Variants in H2AC4 observed in about 807,000 individuals in gnomAD.
The protein encoded by H2AC4 is histone H2A type 1-B/E.
Under a neutral mutation model 6.1 loss-of-function variants are expected in H2AC4, and 8 were observed. The ratio of observed to expected loss-of-function variants is 1.31; its 90% CI spans 0.77 to 2.36. The LOEUF is 2.36. Ranked by LOEUF, H2AC4 falls within the 30% of genes most tolerant of loss-of-function variation. H2AC4 has a pLI of 0.00. For missense variants in H2AC4, 260 were observed against 180.4 expected (o/e 1.44, Z -2.53); for synonymous variants, 129 against 78.4 (o/e 1.64, Z -3.41).
rs1186823497 is a variant in H2AC4, at chr6:26,033,312, AATTGCAGGTGGCGCGGGATG to A, written c.237_256del (p.Ile80GlyfsTer5). 3.1e-6 allele frequency: 5 copies of A among 1,614,114 alleles called. No individual in the cohort carries two copies. In the East Asian group the frequency reaches 1.1e-4, roughly 36 times the overall value. ...AAGCTCCTCGTCATTGCGGATGGCC[AATTGCAGGTGGCGCGGGATG>A]ATGCGGGTCTTCTTGTTGTCGCGGG... On this transcript the variant is annotated frameshift_variant, in exon 1 of 1. Coordinates refer to ENST00000615868, the MANE Select transcript of H2AC4 (RefSeq NM_003513.3). LOFTEE classifies it high-confidence loss of function.
At position 26,033,286 on chromosome 6, in the gene H2AC4, T is replaced by C; in HGVS notation, c.283A>G (p.Asn95Asp). The C allele has an allele frequency of 6.2e-7, 1 of 1,614,170 alleles. No homozygotes were observed. Among genetic ancestry groups the C allele is most frequent in the Non-Finnish European group, 8.5e-7 (1 of 1,180,034 alleles). The stretch of plus-strand genomic sequence containing the variant: ...ATGGTCACACGCCCCAAGAGTTTAT[T>C]AAGCTCCTCGTCATTGCGGATGGCC... ...QLAIRNDEEL[N>D]KLLGRVTIAQ... is the part of the protein sequence containing the mutation. The change falls in exon 1 of 1, where the codon AAT becomes GAT. Residue 95 changes from asparagine to aspartate, a missense_variant. By Grantham distance (23) the Asn-to-Asp change is conservative. Transcript: ENST00000615868.
At position 26,033,549 on chromosome 6, in the gene H2AC4, T is replaced by A. The variant is rs780136249; in HGVS notation, c.20A>T (p.Gln7Leu). Residue 7 changes from glutamine to leucine, a missense_variant, in exon 1 of 1, where the codon CAA becomes CTA. By Grantham distance (113) the Gln-to-Leu change is moderately radical. Coordinates refer to ENST00000615868, the MANE Select transcript of H2AC4 (RefSeq NM_003513.3). MSGRGK[Q>L]GGKARAKAKT... ...AGCCTTGGCGCGAGCTTTACCGCCT[T>A]GTTTGCCGCGACCAGACATAACTAC... is the stretch of plus-strand genomic sequence containing the variant. 1 of 1,609,092 alleles carries A rather than the reference T, an allele frequency of 6.2e-7. No individual in the cohort carries two copies. The highest frequency in any genetic ancestry group is 1.1e-5 in the South Asian group (1 of 90,852).
chr6:26,033,616 T>C lies in H2AC4; in HGVS notation c.-48A>G, dbSNP rs371003021. On this transcript the variant is annotated 5_prime_UTR_variant, in exon 1 of 1. Transcript: ENST00000615868. ...TCGCCACAAGAAAATGTAATGAAAC[T>C]ACATTAGAACGCAAGGCAGAGAAGT... The C allele has an allele frequency of 1.1e-5, 17 of 1,596,204 alleles. No homozygotes were observed. The highest frequency in any genetic ancestry group is 2.2e-5 in the East Asian group (1 of 44,806).
In H2AC4 at chr6:26,033,529, T is replaced by A; in HGVS notation, c.40A>T (p.Lys14Ter). ...RGKQGGKARA[K>*]AKTRSSRAGL... Reference sequence around the variant, plus strand: ...GCACGAGAAGACCGAGTCTTAGCCTTGGCGCGAGCTTTACCGCCTTGTTTG... The same window carrying A: ...GCACGAGAAGACCGAGTCTTAGCCTAGGCGCGAGCTTTACCGCCTTGTTTG... The change falls in exon 1 of 1, where the codon AAG becomes TAG. Residue 14 changes from lysine (K) to a stop codon, truncating the protein, a stop_gained. Coordinates refer to ENST00000615868, the MANE Select transcript of H2AC4 (RefSeq NM_003513.3). LOFTEE classifies it high-confidence loss of function. 2 of 1,613,918 alleles carry A rather than the reference T, an allele frequency of 1.2e-6. No individual in the cohort carries two copies. Among genetic ancestry groups the A allele is most frequent in the Admixed American group, 1.7e-5 (1 of 59,948 alleles).
Position 26,033,618 on chromosome 6 carries a change from C to T in H2AC4, c.-50G>A, listed in dbSNP as rs557007253. 8 of 1,592,908 alleles carry T rather than the reference C, an allele frequency of 5.0e-6. No homozygotes were observed. Among genetic ancestry groups the T allele is most frequent in the Admixed American group, 1.8e-5 (1 of 56,304 alleles). On this transcript the variant is annotated 5_prime_UTR_variant, in exon 1 of 1. Coordinates refer to ENST00000615868, the MANE Select transcript of H2AC4 (RefSeq NM_003513.3). ...GCCACAAGAAAATGTAATGAAACTA[C>T]ATTAGAACGCAAGGCAGAGAAGTAT...
chr6:26,033,543 C>T lies in H2AC4; in HGVS notation c.26G>A (p.Gly9Asp), dbSNP rs756823224. 1 of 1,612,076 alleles carries T rather than the reference C, an allele frequency of 6.2e-7. No homozygotes were observed. The highest frequency in any genetic ancestry group is 8.5e-7 in the Non-Finnish European group (1 of 1,179,714). ...AGTCTTAGCCTTGGCGCGAGCTTTA[C>T]CGCCTTGTTTGCCGCGACCAGACAT... MSGRGKQG[G>D]KARAKAKTRS... The change falls in exon 1 of 1, where the codon GGT becomes GAT. Residue 9 changes from glycine (G) to aspartate (D), a missense_variant. Transcript: ENST00000615868.
At position 26,033,419 on chromosome 6, in the gene H2AC4, C is replaced by G. The variant is rs149772014; in HGVS notation, c.150G>C (p.Val50=). 5.0e-6 allele frequency: 8 copies of G among 1,613,952 alleles called. No individual in the cohort carries two copies. In the African/African-American group the frequency reaches 1.1e-4, roughly 22 times the overall value. Residue 50 remains valine, a synonymous_variant, in exon 1 of 1, where the codon GTG becomes GTC. Transcript: ENST00000615868. ...GGTACTCAAGCACCGCCGCGAGATA[C>G]ACCGGCGCGCCAGCCCCGACGCGCT... The part of the protein sequence containing the change: ...YSERVGAGAP[V]YLAAVLEYLT...
In H2AC4 at chr6:26,033,257, C is replaced by A. The variant is rs1761499700; in HGVS notation, c.312G>T (p.Ala104=). ...GAATATTAGGCAAAACGCCACCCTG[C>A]GCGATGGTCACACGCCCCAAGAGTT... The part of the protein sequence containing the change: ...LNKLLGRVTI[A]QGGVLPNIQA... The change falls in exon 1 of 1, where the codon GCG becomes GCT. Residue 104 remains alanine, a synonymous_variant. Transcript: ENST00000615868. 8 of 1,614,158 alleles carry A rather than the reference C, an allele frequency of 5.0e-6. No homozygotes were observed. Among genetic ancestry groups the A allele is most frequent in the Non-Finnish European group, 6.8e-6 (8 of 1,180,036 alleles).
chr6:26,033,608 A>G lies in H2AC4; in HGVS notation c.-40T>C, dbSNP rs776124317. 6 of 1,603,064 alleles carry G rather than the reference A, an allele frequency of 3.7e-6. No individual in the cohort carries two copies. In the African/African-American group the frequency reaches 6.8e-5, roughly 18 times the overall value. On this transcript the variant is annotated 5_prime_UTR_variant, in exon 1 of 1. Coordinates refer to ENST00000615868, the MANE Select transcript of H2AC4 (RefSeq NM_003513.3). Reference sequence around the variant, plus strand: ...AGGGAAAATCGCCACAAGAAAATGTAATGAAACTACATTAGAACGCAAGGC... The same window carrying G: ...AGGGAAAATCGCCACAAGAAAATGTGATGAAACTACATTAGAACGCAAGGC...
At position 26,033,415 on chromosome 6, in the gene H2AC4, G is replaced by A. The variant is rs371969893; in HGVS notation, c.154C>T (p.Leu52Phe). 1.1e-5 allele frequency: 18 copies of A among 1,613,952 alleles called. No individual in the cohort carries two copies. Among genetic ancestry groups the A allele is most frequent in the South Asian group, 5.5e-5 (5 of 91,072 alleles). Residue 52 changes from leucine to phenylalanine, a missense_variant, in exon 1 of 1, where the codon CTC (leucine) becomes TTC (phenylalanine). Transcript: ENST00000615868. ...GTCAGGTACTCAAGCACCGCCGCGA[G>A]ATACACCGGCGCGCCAGCCCCGACG... ...ERVGAGAPVY[L>F]AAVLEYLTAE...
Position 26,033,172 on chromosome 6 carries a change from C to T in H2AC4, c.*4G>A, listed in dbSNP as rs763116503. 5.0e-6 allele frequency: 8 copies of T among 1,612,812 alleles called. No individual in the cohort carries two copies. The highest frequency in any genetic ancestry group is 2.2e-5 in the South Asian group (2 of 90,950). On this transcript the variant is annotated 3_prime_UTR_variant, in exon 1 of 1. Coordinates refer to ENST00000615868, the MANE Select transcript of H2AC4 (RefSeq NM_003513.3). ...AAAACAGCAGTGCATGAAGCGTTAACTCTTCACTTTCCCTTGGCCTTATGA... is the reference window on the plus strand; with the variant it reads ...AAAACAGCAGTGCATGAAGCGTTAATTCTTCACTTTCCCTTGGCCTTATGA...
chr6:26,033,615 C>T lies in H2AC4; in HGVS notation c.-47G>A, dbSNP rs76616834. 0.01 allele frequency: 16,661 copies of T among 1,592,348 alleles called. 155 individuals carry two copies. Among genetic ancestry groups the T allele is most frequent in the African/African-American group, 0.046 (3,396 of 73,752 alleles). On this transcript the variant is annotated 5_prime_UTR_variant, in exon 1 of 1. Transcript: ENST00000615868. ...ATCGCCACAAGAAAATGTAATGAAACTACATTAGAACGCAAGGCAGAGAAG... is the reference window on the plus strand; with the variant it reads ...ATCGCCACAAGAAAATGTAATGAAATTACATTAGAACGCAAGGCAGAGAAG...
At position 26,033,133 on chromosome 6, in the gene H2AC4, T is replaced by C. The variant is rs377552879; in HGVS notation, c.*43A>G. 9 of 1,602,894 alleles carry C rather than the reference T, an allele frequency of 5.6e-6. No individual in the cohort carries two copies. The African/African-American group carries it at 9.5e-5, about 17-fold the overall frequency. ...AGAGCCTTTGCTGTTAGGCTGATTT[T>C]GTCTGCTGACAGAAAAACAGCAGTG... is the stretch of plus-strand genomic sequence containing the variant. On this transcript the variant is annotated 3_prime_UTR_variant, in exon 1 of 1. Transcript: ENST00000615868.
Position 26,033,121 on chromosome 6 carries a change from T to C in H2AC4, c.*55A>G. ...GTGGCTCTGAAAAGAGCCTTTGCTG[T>C]TAGGCTGATTTTGTCTGCTGACAGA... On this transcript the variant is annotated 3_prime_UTR_variant, in exon 1 of 1. Coordinates refer to ENST00000615868, the MANE Select transcript of H2AC4 (RefSeq NM_003513.3). 6.3e-7 allele frequency: 1 copy of C among 1,598,290 alleles called. No individual in the cohort carries two copies. Among genetic ancestry groups the C allele is most frequent in the Non-Finnish European group, 8.5e-7 (1 of 1,173,974 alleles).
rs997865488 is a variant in H2AC4, at chr6:26,033,111, G to T, written c.*65C>A. On this transcript the variant is annotated 3_prime_UTR_variant, in exon 1 of 1. Transcript: ENST00000615868. ...GAAGTCGTAGGTGGCTCTGAAAAGAGCCTTTGCTGTTAGGCTGATTTTGTC... is the reference window on the plus strand; with the variant it reads ...GAAGTCGTAGGTGGCTCTGAAAAGATCCTTTGCTGTTAGGCTGATTTTGTC... 6.3e-7 allele frequency: 1 copy of T among 1,584,440 alleles called. No homozygotes were observed. The highest frequency in any genetic ancestry group is 8.6e-7 in the Non-Finnish European group (1 of 1,165,310).
Position 26,033,163 on chromosome 6 carries a change from A to C in H2AC4, c.*13T>G. 1 of 1,613,390 alleles carries C rather than the reference A, an allele frequency of 6.2e-7. No individual in the cohort carries two copies. The highest frequency in any genetic ancestry group is 1.1e-5 in the South Asian group (1 of 90,960). On this transcript the variant is annotated 3_prime_UTR_variant, in exon 1 of 1. Transcript: ENST00000615868. ...GCTGACAGAAAAACAGCAGTGCATGAAGCGTTAACTCTTCACTTTCCCTTG... is the reference window on the plus strand; with the variant it reads ...GCTGACAGAAAAACAGCAGTGCATGCAGCGTTAACTCTTCACTTTCCCTTG...
In H2AC4 at chr6:26,033,145, G is replaced by A. The variant is rs753614523; in HGVS notation, c.*31C>T. On this transcript the variant is annotated 3_prime_UTR_variant, in exon 1 of 1. Transcript: ENST00000615868. Reference sequence around the variant, plus strand: ...GTTAGGCTGATTTTGTCTGCTGACAGAAAAACAGCAGTGCATGAAGCGTTA... The same window carrying A: ...GTTAGGCTGATTTTGTCTGCTGACAAAAAAACAGCAGTGCATGAAGCGTTA... 6 of 1,604,746 alleles carry A rather than the reference G, an allele frequency of 3.7e-6. No individual in the cohort carries two copies. Among genetic ancestry groups the A allele is most frequent in the Middle Eastern group, 1.7e-4 (1 of 6,054 alleles).
Position 26,033,161 on chromosome 6 carries a change from T to C in H2AC4, c.*15A>G. On this transcript the variant is annotated 3_prime_UTR_variant, in exon 1 of 1. Coordinates refer to ENST00000615868, the MANE Select transcript of H2AC4 (RefSeq NM_003513.3). ...CTGCTGACAGAAAAACAGCAGTGCA[T>C]GAAGCGTTAACTCTTCACTTTCCCT... 2 of 1,613,372 alleles carry C rather than the reference T, an allele frequency of 1.2e-6. No individual in the cohort carries two copies. The highest frequency in any genetic ancestry group is 8.5e-7 in the Non-Finnish European group (1 of 1,179,870).
At position 26,033,463 on chromosome 6, in the gene H2AC4, G is replaced by A. The variant is rs541382692; in HGVS notation, c.106C>T (p.Arg36Cys). 6.8e-6 allele frequency: 11 copies of A among 1,614,186 alleles called. No homozygotes were observed. In the East Asian group the frequency reaches 1.1e-4, roughly 16 times the overall value. ...ACGCGCTCGGAGTAGTTGCCTTTGC[G>A]GAGCAGGCGGTGCACTCGGCCCACA... ...FPVGRVHRLL[R>C]KGNYSERVGA... Residue 36 changes from arginine to cysteine, a missense_variant, in exon 1 of 1, where the codon CGC (arginine) becomes TGC (cysteine). Coordinates refer to ENST00000615868, the MANE Select transcript of H2AC4 (RefSeq NM_003513.3).
Sources: gnomAD v4.1 joint callset for allele counts on GRCh38, gnomAD v4.1.1 for gene constraint, MANE v1.5 for transcripts, NCBI Gene and HGNC (gene_info 2026-07-23, HGNC 2026-07-21) for gene names.